Variants in TTN observed in about 807,000 individuals in gnomAD.
TTN encodes the protein connectin.
Under a neutral mutation model 3,223.0 loss-of-function variants are expected in TTN, and 1,525 were observed. The observed-to-expected ratio is 0.47, with a 90% CI of 0.45 to 0.49. The LOEUF (loss-of-function observed/expected upper bound fraction) is 0.49. Among genes scored for constraint, TTN ranks in the 20% least tolerant of loss-of-function variants. The pLI is 0.00. For missense variants in TTN, 40,786 were observed against 43,424.0 expected, an observed-to-expected ratio of 0.94 and a Z score of 5.40; for synonymous variants, 14,094 against 15,161.0, an observed-to-expected ratio of 0.93 and a Z score of 5.17.
intron 38 of TTN, 27 bp downstream of exon 38, chr2:178,768,646 A>T: frequency 6.2e-7 from 1 of 1,612,764 alleles, no homozygotes; most frequent in Non-Finnish European, 8.5e-7. Flanking sequence ...CATTTTTTCT[A>T]TGGATCTAAT....
chr2:178,561,860 A>G lies in TTN; in HGVS notation c.84272T>C (p.Ile28091Thr). The change falls in exon 326 of 363, where the codon ATT becomes ACT. Residue 28091 changes from isoleucine (I) to threonine (T), a missense_variant. Coordinates refer to ENST00000589042, the MANE Select transcript of TTN (RefSeq NM_001267550.2). ...AGAGGTGGTTTCTTTCTTTTCAACA[A>G]TGTAATTGCTAATTTGGCAGCCACC... ...YDGGCQISNY[I>T]VEKKETTSTT... The G allele has an allele frequency of 6.2e-7, 1 of 1,613,694 alleles. No individual in the cohort carries two copies. Among genetic ancestry groups the G allele is most frequent in the South Asian group, 1.1e-5 (1 of 91,076 alleles).
rs188059075 is a variant in TTN, at chr2:178,589,046, G to A, written c.62679C>T (p.Gly20893=). The A allele has an allele frequency of 2.1e-5, 34 of 1,609,320 alleles. No individual in the cohort carries two copies. The highest frequency in any genetic ancestry group is 3.3e-4 in the Middle Eastern group (2 of 6,056). Residue 20893 remains glycine, a synonymous_variant, in exon 304 of 363, where the codon GGC becomes GGT. Coordinates refer to ENST00000589042, the MANE Select transcript of TTN (RefSeq NM_001267550.2). ...VCWDPPEDDG[G]CEIQNYILEK... ...CTAGAATATAATTTTGGATTTCACA[G>A]CCACCATCATCTTCTGGTGGATCCC...
At position 178,633,492 on chromosome 2, in the gene TTN, T is replaced by C. The variant is rs768401719; in HGVS notation, c.42867A>G (p.Lys14289=). The change falls in exon 232 of 363, where the codon AAA becomes AAG. Residue 14289 remains lysine (K), a synonymous_variant. Coordinates refer to ENST00000589042, the MANE Select transcript of TTN (RefSeq NM_001267550.2). ...CGCCTTTATCTTTAAGGTCCGCCTT[T>C]TTGATTTTTAAGATGCGGCGCAGGC... is the stretch of plus-strand genomic sequence containing the variant. ...ADGLRRILKI[K]KADLKDKGEY... is the part of the protein sequence containing the mutation. 3.1e-6 allele frequency: 5 copies of C among 1,613,242 alleles called. No individual in the cohort carries two copies. In the East Asian group the frequency reaches 1.1e-4, roughly 36 times the overall value.
rs201490050 is a variant in TTN, at chr2:178,564,830, C to T, written c.81302G>A (p.Gly27101Asp). The T allele has an allele frequency of 1.2e-6, 2 of 1,612,964 alleles. No individual in the cohort carries two copies. Among genetic ancestry groups the T allele is most frequent in the African/African-American group, 1.3e-5 (1 of 74,864 alleles). Reference sequence around the variant, plus strand: ...AAGATGGTAGCCAATAATTTTGGTGCCTCCATCATTCACTGGCTCATGCCA... The same window carrying T: ...AAGATGGTAGCCAATAATTTTGGTGTCTCCATCATTCACTGGCTCATGCCA... ...VQWHEPVNDG[G>D]TKIIGYHLEQ... Residue 27101 changes from glycine to aspartate, a missense_variant, in exon 326 of 363, where the codon GGC becomes GAC. By Grantham distance (94) the Gly-to-Asp change is moderately conservative. Coordinates refer to ENST00000589042, the MANE Select transcript of TTN (RefSeq NM_001267550.2).
In TTN at chr2:178,688,197, G is replaced by A. The variant is rs777586144; in HGVS notation, c.32225C>T (p.Ser10742Leu). ...EVSAEEEWSY[S>L]EEEEGVSISV... ...AATGGACACACCTTCCTCCTCTTCT[G>A]AGTAACTCCATTCCTCCTCTGCAGA... The change falls in exon 127 of 363, where the codon TCA becomes TTA. Residue 10742 changes from serine to leucine, a missense_variant. Coordinates refer to ENST00000589042, the MANE Select transcript of TTN (RefSeq NM_001267550.2). The A allele has an allele frequency of 2.6e-5, 42 of 1,612,594 alleles. No homozygotes were observed. The highest frequency in any genetic ancestry group is 5.0e-5 in the Admixed American group (3 of 60,002).
At chr2:178,669,568 G>A in intron 158 of TTN, 24 bp downstream of exon 158, 1 of 1,610,552 alleles carries the variant, frequency 6.2e-7, no homozygotes, top group Non-Finnish European at 8.5e-7. Flanking sequence ...ATTATTTCAT[G>A]TTCTGATTAG....
Position 178,542,317 on chromosome 2 carries a change from A to T in TTN, c.97439T>A (p.Phe32480Tyr), listed in dbSNP as rs1182394964. The change falls in exon 349 of 363, where the codon TTC becomes TAC. Residue 32480 changes from phenylalanine (F) to tyrosine (Y), a missense_variant. By Grantham distance (22) the Phe-to-Tyr change is conservative (BLOSUM62 3). Coordinates refer to ENST00000589042, the MANE Select transcript of TTN (RefSeq NM_001267550.2). ...AGACTGCAAGTAAGAGCCAATCCCG[A>T]AGCGGTTTGTTGCAGCCACACGGAA... ...YVFRVAATNRFGIGSYLQSEV... is the reference protein window; with the variant it reads ...YVFRVAATNRYGIGSYLQSEV... 6.2e-7 allele frequency: 1 copy of T among 1,612,776 alleles called. No homozygotes were observed. Among genetic ancestry groups the T allele is most frequent in the African/African-American group, 1.3e-5 (1 of 74,886 alleles).
chr2:178,755,576 A>C (rs2086697116), intron 46 of TTN, among the ~76,000 whole-genome samples: 1 of 152,148 alleles, frequency 6.6e-6, no homozygotes, highest in African/African-American at 2.4e-5. Context: ...AGTTGGGATT[A>C]CAGGCATGCA....
chr2:178,599,171 T>G lies in TTN; in HGVS notation c.56622A>C (p.Glu18874Asp). Residue 18874 changes from glutamate (E) to aspartate (D), a missense_variant, in exon 290 of 363, where the codon GAA (glutamate) becomes GAC (aspartate). Physicochemically the swap from Glu to Asp is conservative, Grantham distance 45. Transcript: ENST00000589042. ...KYGIGEPLDS[E>D]PETARNLFSV... is the part of the protein sequence containing the mutation. The stretch of plus-strand genomic sequence containing the variant: ...AGAAGAGGTTTCTTGCTGTTTCAGG[T>G]TCACTGTCAAGAGGTTCTCCAATGC... 2 of 1,508,630 alleles carry G rather than the reference T, an allele frequency of 1.3e-6. No homozygotes were observed. Among genetic ancestry groups the G allele is most frequent in the Non-Finnish European group, 1.8e-6 (2 of 1,132,872 alleles). The allele number at this position is 1,508,630 out of a possible 1,614,324, so 93.5% of individuals were successfully genotyped here.
chr2:178,549,764 G>A lies in TTN; in HGVS notation c.91958C>T (p.Thr30653Ile). ...APLNDGCAPI[T>I]HYIIEKRETS... Reference sequence around the variant, plus strand: ...TTCCCGTTTTTCAATGATGTAGTGGGTTATGGGAGCACAACCGTCATTGAG... The same window carrying A: ...TTCCCGTTTTTCAATGATGTAGTGGATTATGGGAGCACAACCGTCATTGAG... The change falls in exon 338 of 363, where the codon ACC becomes ATC. Residue 30653 changes from threonine to isoleucine, a missense_variant. Coordinates refer to ENST00000589042, the MANE Select transcript of TTN (RefSeq NM_001267550.2). 1 of 1,613,602 alleles carries A rather than the reference G, an allele frequency of 6.2e-7. No homozygotes were observed. Among genetic ancestry groups the A allele is most frequent in the Non-Finnish European group, 8.5e-7 (1 of 1,179,658 alleles).
Position 178,633,017 on chromosome 2 carries a change from T to G in TTN, c.43114A>C (p.Lys14372Gln), listed in dbSNP as rs1240174591. The change falls in exon 234 of 363, where the codon AAG (lysine) becomes CAG (glutamine). Residue 14372 changes from lysine (K) to glutamine (Q), a missense_variant. Coordinates refer to ENST00000589042, the MANE Select transcript of TTN (RefSeq NM_001267550.2). ...PDCEIIEDGK[K>Q]HILILHNCQL... ...CAGTTATGAAGGATCAGAATATGCTTCTTTCCATCCTCAATGATTTCACAG... is the reference window on the plus strand; with the variant it reads ...CAGTTATGAAGGATCAGAATATGCTGCTTTCCATCCTCAATGATTTCACAG... 4 of 1,613,084 alleles carry G rather than the reference T, an allele frequency of 2.5e-6. No individual in the cohort carries two copies. Among genetic ancestry groups the G allele is most frequent in the Non-Finnish European group, 3.4e-6 (4 of 1,179,376 alleles).
chr2:178,718,889 G>A lies in TTN; in HGVS notation c.24311C>T (p.Thr8104Ile). 1 of 1,613,518 alleles carries A rather than the reference G, an allele frequency of 6.2e-7. No individual in the cohort carries two copies. Among genetic ancestry groups the A allele is most frequent in the South Asian group, 1.1e-5 (1 of 91,054 alleles). ...SLTFTSVIRGTPPFKVKWFKG... is the reference protein window; with the variant it reads ...SLTFTSVIRGIPPFKVKWFKG... ...AAACCACTTGACCTTGAAAGGAGGG[G>A]TGCCTCTGATGACACTGGTGAATGT... Residue 8104 changes from threonine (T) to isoleucine (I), a missense_variant, in exon 84 of 363, where the codon ACC becomes ATC. Thr to Ile is a moderately conservative substitution (Grantham distance 89, BLOSUM62 -1). Transcript: ENST00000589042.
rs1186119697 is a variant in TTN at position 178,622,767 on chromosome 2, G to C, written c.44816C>G (p.Pro14939Arg). ...TGGTCTTAAGAATTCCACATGAGGA[G>C]CTGTAAGAGAATGTCATCAGAATTC... is the stretch of plus-strand genomic sequence containing the variant. ...FKTSCNLNVV[P>R]PHVEFLRPLT... is the part of the protein sequence containing the mutation. Residue 14939 changes from proline (P) to arginine (R), a missense_variant and splice_region_variant, in exon 243 of 363, where the codon CCT (proline) becomes CGT (arginine). By Grantham distance (103) the Pro-to-Arg change is moderately radical (BLOSUM62 -2). Transcript: ENST00000589042. 4 of 1,594,174 alleles carry C rather than the reference G, an allele frequency of 2.5e-6. No homozygotes were observed. Among genetic ancestry groups the C allele is most frequent in the Non-Finnish European group, 3.4e-6 (4 of 1,168,584 alleles).
chr2:178,758,049 G>A (rs1410023491), intron 44 of TTN, 133 bp from the exon 45 acceptor site: 61 of 959,522 alleles, frequency 6.4e-5, no homozygotes, highest in Non-Finnish European at 9.1e-5. Flanking sequence ...CCTTGTCCTT[G>A]TATGTCACTA....
chr2:178,582,537 A>G lies in TTN; in HGVS notation c.65919T>C (p.Ala21973=). 6.2e-7 allele frequency: 1 copy of G among 1,612,840 alleles called. No individual in the cohort carries two copies. The change falls in exon 314 of 363, where the codon GCT becomes GCC. Residue 21973 remains alanine (A), a synonymous_variant. Coordinates refer to ENST00000589042, the MANE Select transcript of TTN (RefSeq NM_001267550.2). ...CAAGAGGCGGTTCCCAAGAAAGCAT[A>G]GCACGATCTGAATACATTTTGTTGA... is the stretch of plus-strand genomic sequence containing the variant. The part of the protein sequence containing the change: ...VKINKMYSDR[A]MLSWEPPLED...
rs1231715116 is a variant in TTN, at chr2:178,570,382, T to A, written c.75750A>T (p.Leu25250Phe). 1 of 1,613,234 alleles carries A rather than the reference T, an allele frequency of 6.2e-7. No individual in the cohort carries two copies. Among genetic ancestry groups the A allele is most frequent in the South Asian group, 1.1e-5 (1 of 91,074 alleles). Reference sequence around the variant, plus strand: ...CATTGGCATCAACCACAGTCCAAACTAAGCGGCTGGTTTCTCTCCTTTCCA... The same window carrying A: ...CATTGGCATCAACCACAGTCCAAACAAAGCGGCTGGTTTCTCTCCTTTCCA... ...YIVERRETSRLVWTVVDANVQ... is the reference protein window; with the variant it reads ...YIVERRETSRFVWTVVDANVQ... The change falls in exon 326 of 363, where the codon TTA becomes TTT. Residue 25250 changes from leucine (L) to phenylalanine (F), a missense_variant. By Grantham distance (22) the Leu-to-Phe change is conservative (BLOSUM62 0). Coordinates refer to ENST00000589042, the MANE Select transcript of TTN (RefSeq NM_001267550.2).
At position 178,571,633 on chromosome 2, in the gene TTN, G is replaced by A; in HGVS notation, c.74499C>T (p.Pro24833=). Reference sequence around the variant, plus strand: ...TGATAGAACTTCCACCATCATACTTGGGTGGGCCCCAGGAAAGAGTAATAC... The same window carrying A: ...TGATAGAACTTCCACCATCATACTTAGGTGGGCCCCAGGAAAGAGTAATAC... The part of the protein sequence containing the change: ...ADSITLSWGP[P]KYDGGSSINN... Residue 24833 remains proline, a synonymous_variant, in exon 326 of 363, where the codon CCC becomes CCT. Transcript: ENST00000589042. 1 of 1,613,290 alleles carries A rather than the reference G, an allele frequency of 6.2e-7. No individual in the cohort carries two copies. Among genetic ancestry groups the A allele is most frequent in the African/African-American group, 1.3e-5 (1 of 75,016 alleles).
chr2:178,800,224 G>A (rs1191442049), intron 4 of TTN, among the ~76,000 whole-genome samples, 171 bp downstream of exon 4: 3 of 152,036 alleles, frequency 2.0e-5, no homozygotes, highest in Non-Finnish European at 4.4e-5. Flanking sequence ...TCTATTCTGC[G>A]CTCCTGACTA....
rs1328172766 is a variant in TTN, at chr2:178,533,385, T to C, written c.103230A>G (p.Glu34410=). The change falls in exon 358 of 363, where the codon GAA becomes GAG. Residue 34410 remains glutamate, a synonymous_variant. Transcript: ENST00000589042. ...AATAATCCAAGCCTTCATGGATAAT[T>C]TCAATGTTAGGCCCGAGGGACAGTG... ...GQPLSLGPNI[E]IIHEGLDYYA... The C allele has an allele frequency of 6.2e-7, 1 of 1,613,684 alleles. No individual in the cohort carries two copies. Among genetic ancestry groups the C allele is most frequent in the Admixed American group, 1.7e-5 (1 of 60,016 alleles).
Sources: gnomAD v4.1 joint callset for allele counts (sites outside exome capture counted in the v4.1 genomes callset) on GRCh38, gnomAD v4.1.1 for gene constraint, MANE v1.5 for transcripts, NCBI Gene and HGNC (gene_info 2026-07-23, HGNC 2026-07-21) for gene names.